Variants in SORCS1 observed in about 807,000 individuals in gnomAD.
The protein encoded by SORCS1 is VPS10 domain-containing receptor SorCS1.
Under a neutral mutation model 146.1 loss-of-function variants are expected in SORCS1, and 60 were observed. The observed-to-expected ratio is 0.41, with a 90% CI of 0.33 to 0.51. The LOEUF (loss-of-function observed/expected upper bound fraction) is 0.51, where lower values mean the gene tolerates loss of function less well. Ranked by LOEUF, SORCS1 falls within the 20% of genes least tolerant of loss-of-function variation. SORCS1 has a pLI of 0.21. For missense variants in SORCS1, 1,352 were observed against 1,487.6 expected, an observed-to-expected ratio of 0.91 and a Z score of 1.50; for synonymous variants, 637 against 584.0, an observed-to-expected ratio of 1.09 and a Z score of -1.31.
At chr10:107,094,839 C>G (rs1344564205) in intron 1 of SORCS1, among the ~76,000 whole-genome samples, 1 of 152,084 alleles carries the variant, frequency 6.6e-6, no homozygotes, top group Non-Finnish European at 1.5e-5. Flanking sequence ...AAGTATGGTC[C>G]CTGACACAGC....
intron 2 of SORCS1, among the ~76,000 whole-genome samples, chr10:106,953,510 G>T (rs1954798556): frequency 7.0e-6 from 1 of 142,828 alleles, no homozygotes; most frequent in African/African-American, 2.4e-5. Flanking sequence ...CACAGATAGG[G>T]AAGGCTGACT....
chr10:106,770,674 T>C lies in SORCS1; in HGVS notation c.885+5860A>G, dbSNP rs143440078. ...CACATAAAAATAAGAAAACTTCACA[T>C]TGAAAACAAAGCAGAATTACTTCTC... On this transcript the variant is annotated intron_variant, in intron 4 of 25. Coordinates refer to ENST00000263054, the MANE Select transcript of SORCS1 (RefSeq NM_052918.5). Among the ~76,000 whole-genome samples the C allele has an allele frequency of 2.3e-4, 35 of 152,232 alleles. No individual in the cohort carries two copies. In the East Asian group the frequency reaches 5.4e-3, roughly 24 times the overall value.
intron 1 of SORCS1, among the ~76,000 whole-genome samples, chr10:106,993,333 G>A (rs919827136): frequency 2.0e-5 from 3 of 152,140 alleles, no homozygotes; most frequent in African/African-American, 7.2e-5. Flanking sequence ...CTGCACTGGT[G>A]GTTTTTATTA....
At chr10:106,860,483 A>G (rs1361292000) in intron 2 of SORCS1, among the ~76,000 whole-genome samples, 1 of 152,234 alleles carries the variant, frequency 6.6e-6, no homozygotes, top group Non-Finnish European at 1.5e-5. Flanking sequence ...TAAGCACTTC[A>G]TAAGGATTAC....
intron 6 of SORCS1, among the ~76,000 whole-genome samples, chr10:106,729,829 G>A (rs763013533): frequency 1.4e-4 from 21 of 152,080 alleles, no homozygotes; most frequent in Non-Finnish European, 2.5e-4. Flanking sequence ...CTGTGCCACT[G>A]TGCCTGCCTA....
intron 18 of SORCS1, among the ~76,000 whole-genome samples, chr10:106,633,182 T>C (rs1464552200): frequency 6.6e-6 from 1 of 152,222 alleles, no homozygotes; most frequent in Admixed American, 6.5e-5. Context: ...GTTTTTAAAA[T>C]TTTAATTGAT....
At chr10:106,622,289 GA>G (rs554464573) in intron 19 of SORCS1, among the ~76,000 whole-genome samples, 3,107 of 38,950 alleles carry the variant, frequency 0.08, 23 homozygotes, top group African/African-American at 0.17. Flanking sequence ...ATTCCATCTC[GA>G]AAAAAAAAAA....
chr10:106,808,994 C>A (rs1378138786), intron 3 of SORCS1, among the ~76,000 whole-genome samples: 1 of 152,090 alleles, frequency 6.6e-6, no homozygotes, highest in African/African-American at 2.4e-5. Flanking sequence ...TATAAGCCTG[C>A]AGGAATCTGG....
At chr10:107,167,259 T>C (rs1019622123), upstream of SORCS1, among the ~76,000 whole-genome samples, 3 of 152,218 alleles carry the variant, frequency 2.0e-5, no homozygotes, top group African/African-American at 7.2e-5. Context: ...TCCTAAATTA[T>C]TCCCCTTATC....
At chr10:106,729,967 G>A (rs113867797) in intron 6 of SORCS1, 83 bp downstream of exon 6, 1 of 1,500,722 alleles carries the variant, frequency 6.7e-7, no homozygotes, top group Non-Finnish European at 9.3e-7. Flanking sequence ...CATACACCAT[G>A]AGATTATTAC....
At chr10:106,910,489 A>AG (rs34382367) in intron 2 of SORCS1, among the ~76,000 whole-genome samples, 1 of 152,172 alleles carries the variant, frequency 6.6e-6, no homozygotes, top group East Asian at 1.9e-4. Context: ...TGCCTTAGAC[A>AG]GGGGGTCATA....
At chr10:107,090,804 C>G (rs1348406999) in intron 1 of SORCS1, among the ~76,000 whole-genome samples, 1 of 152,150 alleles carries the variant, frequency 6.6e-6, no homozygotes, top group Admixed American at 6.5e-5. Flanking sequence ...AGATTCTGAG[C>G]TGGGATGTAG....
At chr10:106,666,186 G>A (rs1027627699) in intron 17 of SORCS1, among the ~76,000 whole-genome samples, 1 of 152,126 alleles carries the variant, frequency 6.6e-6, no homozygotes. Flanking sequence ...TCAGTAGACT[G>A]AGTAAAGCAG....
At chr10:106,789,428 T>C (rs1051951419) in intron 3 of SORCS1, among the ~76,000 whole-genome samples, 3 of 152,222 alleles carry the variant, frequency 2.0e-5, no homozygotes, top group Non-Finnish European at 4.4e-5. Flanking sequence ...TCCTCCTGAA[T>C]GCTTTGCTGC....
At chr10:106,941,387 G>A (rs1954034642) in intron 2 of SORCS1, among the ~76,000 whole-genome samples, 1 of 151,258 alleles carries the variant, frequency 6.6e-6, no homozygotes, top group Non-Finnish European at 1.5e-5. Context: ...TGAGGAAATG[G>A]AGCACAGAGA....
At chr10:107,134,273 A>G (rs1248307698) in intron 1 of SORCS1, among the ~76,000 whole-genome samples, 1 of 152,150 alleles carries the variant, frequency 6.6e-6, no homozygotes, top group Non-Finnish European at 1.5e-5. Flanking sequence ...AACTTTTTAA[A>G]CTTTACGCTT....
At chr10:106,639,564 A>G (rs1358925807) in intron 18 of SORCS1, among the ~76,000 whole-genome samples, 3 of 152,188 alleles carry the variant, frequency 2.0e-5, no homozygotes, top group Non-Finnish European at 2.9e-5. Flanking sequence ...GCTAAAGACA[A>G]CCTATATTGC....
At chr10:106,968,272 G>A (rs1471576369) in intron 1 of SORCS1, among the ~76,000 whole-genome samples, 2 of 152,140 alleles carry the variant, frequency 1.3e-5, no homozygotes, top group Non-Finnish European at 2.9e-5. Context: ...TTGTAGGAGC[G>A]AGATGGAAGG....
intron 2 of SORCS1, among the ~76,000 whole-genome samples, chr10:106,926,820 A>AAT (rs78358063): frequency 2.7e-5 from 2 of 73,970 alleles, no homozygotes; most frequent in Non-Finnish European, 4.3e-5. Context: ...ATTTCTAAGG[A>AAT]ATATATATAC....
Sources: gnomAD v4.1 joint callset for allele counts (sites outside exome capture counted in the v4.1 genomes callset) on GRCh38, gnomAD v4.1.1 for gene constraint, MANE v1.5 for transcripts, NCBI Gene and HGNC (gene_info 2026-07-23, HGNC 2026-07-21) for gene names.